Variants in PRELID2 observed in about 807,000 individuals in gnomAD.
PRELID2 encodes the protein PRELI domain-containing protein 2.
A neutral mutation model predicts 28.4 loss-of-function variants in PRELID2; 25 were observed. The observed-to-expected ratio is 0.88, with a 90% CI of 0.64 to 1.23. The LOEUF is 1.23. PRELID2 is among the 50% of genes most tolerant of loss of function. PRELID2 has a pLI of 0.00. For synonymous variants in PRELID2, 76 were observed against 71.6 expected (o/e 1.06, Z -0.31); for missense variants, 201 against 214.4 (o/e 0.94, Z 0.39).
chr5:145,251,555 A>G, the PRELID2 span, among the ~76,000 whole-genome samples: 1 of 151,864 alleles, frequency 6.6e-6, no homozygotes, highest in African/African-American at 2.4e-5. Flanking sequence ...CATCCCAACC[A>G]CCTCAGCTGG....
At chr5:145,668,442 T>C (rs1754640138) in intron 1 of PRELID2, among the ~76,000 whole-genome samples, 1 of 151,698 alleles carries the variant, frequency 6.6e-6, no homozygotes, top group South Asian at 2.1e-4. Context: ...TAAATCTAGA[T>C]TTTAAAAAAA....
chr5:145,466,770 A>T, the PRELID2 span, among the ~76,000 whole-genome samples: 2 of 152,092 alleles, frequency 1.3e-5, no homozygotes, highest in Admixed American at 6.6e-5. Flanking sequence ...AAAATAATGA[A>T]GTCCAATACT....
chr5:145,715,270 G>A (rs1431633219), intron 1 of PRELID2, among the ~76,000 whole-genome samples: 1 of 152,058 alleles, frequency 6.6e-6, no homozygotes, highest in Non-Finnish European at 1.5e-5. Context: ...GTTATCTTCA[G>A]TCCCTTTATT....
downstream of PRELID2, among the ~76,000 whole-genome samples, chr5:145,751,588 A>G (rs1216650380): frequency 6.6e-6 from 1 of 152,226 alleles, no homozygotes; most frequent in Non-Finnish European, 1.5e-5. Context: ...TTAAAAATTA[A>G]CAATCCATTC....
chr5:145,302,699 T>C, the PRELID2 span, among the ~76,000 whole-genome samples: 3 of 152,044 alleles, frequency 2.0e-5, no homozygotes, highest in Non-Finnish European at 4.4e-5. Context: ...TTAATATATT[T>C]GGTCTCAATT....
chr5:145,626,826 C>T (rs561488974), intron 1 of PRELID2, among the ~76,000 whole-genome samples: 203 of 152,116 alleles, frequency 1.3e-3, no homozygotes, highest in African/African-American at 4.5e-3. Flanking sequence ...AGGCCAGATG[C>T]GGTGGCTCAC....
Position 145,491,239 on chromosome 5 carries a change from T to G in PRELID2, n.71-17924A>C, listed in dbSNP as rs535251158. On this transcript the variant is annotated intron_variant and non_coding_transcript_variant, in intron 1 of 2. Coordinates refer to the PRELID2 transcript ENST00000510259. ...GTCCAAGATCAAGGTGCAAACAGAT[T>G]TGGTGCCTGGTAAGGCTATGCTTTC... is the stretch of plus-strand genomic sequence containing the variant. Among the ~76,000 whole-genome samples, 32 of 152,236 alleles carry G rather than the reference T, an allele frequency of 2.1e-4. 1 individual carries two copies. The South Asian group carries it at 6.4e-3, about 31-fold the overall frequency.
At chr5:145,731,954 T>C (rs546387272) in intron 1 of PRELID2, among the ~76,000 whole-genome samples, 24 of 152,330 alleles carry the variant, frequency 1.6e-4, no homozygotes, top group Admixed American at 3.9e-4. Flanking sequence ...CTGCTATATA[T>C]CACCTTCTGT....
At chr5:145,502,415 G>A (rs1343532658) in intron 1 of PRELID2, among the ~76,000 whole-genome samples, 1 of 152,086 alleles carries the variant, frequency 6.6e-6, no homozygotes, top group Admixed American at 6.6e-5. Flanking sequence ...AATTGAATAT[G>A]AGATTTGAGT....
the PRELID2 span, among the ~76,000 whole-genome samples, chr5:145,423,357 T>G: frequency 6.6e-6 from 1 of 151,880 alleles, no homozygotes. Flanking sequence ...ATTCTCCCCA[T>G]CACTTTCAGG....
chr5:145,516,356 G>A (rs1290523904), intron 1 of PRELID2, among the ~76,000 whole-genome samples: 3 of 151,868 alleles, frequency 2.0e-5, no homozygotes, highest in Admixed American at 1.3e-4. Context: ...AAAAGACAGA[G>A]AGCCAAATCA....
At chr5:145,778,738 C>G (rs945996883) in intron 5 of PRELID2, among the ~76,000 whole-genome samples, 1 of 152,192 alleles carries the variant, frequency 6.6e-6, no homozygotes, top group African/African-American at 2.4e-5. Flanking sequence ...ACGCCTGACT[C>G]ACAGTCTCCC....
intron 5 of PRELID2, among the ~76,000 whole-genome samples, chr5:145,772,327 T>G (rs553527415): frequency 9.2e-5 from 14 of 152,142 alleles, no homozygotes; most frequent in African/African-American, 2.9e-4. Flanking sequence ...TACTACACTG[T>G]GGGGATGGGA....
chr5:145,765,986 AT>A (rs1561583419), intron 5 of PRELID2, among the ~76,000 whole-genome samples: 1 of 152,178 alleles, frequency 6.6e-6, no homozygotes, highest in East Asian at 1.9e-4. Context: ...TGCAATGTTC[AT>A]TTTTCTACTG....
At chr5:145,436,389 G>T in the PRELID2 span, among the ~76,000 whole-genome samples, 1 of 152,094 alleles carries the variant, frequency 6.6e-6, no homozygotes, top group Non-Finnish European at 1.5e-5. Context: ...GCGCTGTGAT[G>T]AACATATGCA....
chr5:145,763,023 C>T (rs1219873869), intron 6 of PRELID2, among the ~76,000 whole-genome samples: 25 of 152,226 alleles, frequency 1.6e-4, no homozygotes, highest in Admixed American at 1.6e-3. Context: ...TGAATCAGAA[C>T]TTGGGGAGTG....
At chr5:145,659,760 G>A (rs1195974721) in intron 1 of PRELID2, among the ~76,000 whole-genome samples, 1 of 152,180 alleles carries the variant, frequency 6.6e-6, no homozygotes, top group Non-Finnish European at 1.5e-5. Flanking sequence ...TCCAGAGAGA[G>A]CAATTCAAAG....
At chr5:145,260,090 C>T in the PRELID2 span, among the ~76,000 whole-genome samples, 1 of 152,130 alleles carries the variant, frequency 6.6e-6, no homozygotes, top group African/African-American at 2.4e-5. Context: ...GCTCCTGTTC[C>T]TGCTCCTGCC....
chr5:145,425,534 A>G, the PRELID2 span, among the ~76,000 whole-genome samples: 2 of 152,238 alleles, frequency 1.3e-5, no homozygotes, highest in African/African-American at 4.8e-5. Flanking sequence ...GACTGAATAC[A>G]CAAAGTGTGG....
Sources: allele counts gnomAD v4.1 joint callset (sites outside exome capture counted in the v4.1 genomes callset), GRCh38; gene constraint gnomAD v4.1.1; transcripts MANE v1.5; gene names NCBI Gene and HGNC (gene_info 2026-07-23, HGNC 2026-07-21).